The following ARPP21 variants were observed in gnomAD, a reference collection of about 807,000 sequenced individuals.
ARPP21 encodes cAMP regulated phosphoprotein 21.
A neutral mutation model predicts 113.2 loss-of-function variants in ARPP21; 69 were observed. That is an observed-to-expected ratio of 0.61 (90% CI 0.50 to 0.74). The LOEUF (loss-of-function observed/expected upper bound fraction) is 0.74. ARPP21 is among the 30% of genes least tolerant of loss of function. The probability of loss-of-function intolerance (pLI) is 0.00; values close to 1 mark genes in which losing one functional copy is unlikely to be tolerated. For synonymous variants in ARPP21, 368 were observed against 375.5 expected (o/e 0.98, Z 0.23); for missense variants, 1,070 against 1,037.4 (o/e 1.03, Z -0.43).
At chr3:35,655,849 A>G (rs1309237176) in intron 1 of ARPP21, among the ~76,000 whole-genome samples, 3 of 152,028 alleles carry the variant, frequency 2.0e-5, no homozygotes, top group Admixed American at 6.6e-5. Context: ...ATTGAAATAC[A>G]GAATTTTTGG....
intron 19 of ARPP21, among the ~76,000 whole-genome samples, chr3:35,763,529 C>T (rs990393425): frequency 6.6e-6 from 1 of 152,082 alleles, no homozygotes; most frequent in African/African-American, 2.4e-5. Context: ...CATGCAGTTA[C>T]AATATTATGG....
At chr3:35,787,196 T>TC (rs1193057734) in intron 19 of ARPP21, among the ~76,000 whole-genome samples, 2 of 152,194 alleles carry the variant, frequency 1.3e-5, no homozygotes, top group Non-Finnish European at 2.9e-5. Flanking sequence ...CTGTGTATCT[T>TC]CTTTTTTTAT....
intron 6 of ARPP21, 98 bp from the exon 7 acceptor site, chr3:35,689,209 T>G: frequency 1.4e-6 from 1 of 707,428 alleles, no homozygotes. Flanking sequence ...CACCTAAAAT[T>G]TATCTGAGCA....
intron 19 of ARPP21, among the ~76,000 whole-genome samples, chr3:35,764,455 T>G (rs2095882581): frequency 1.3e-5 from 2 of 152,162 alleles, no homozygotes; most frequent in Non-Finnish European, 2.9e-5. Flanking sequence ...GTATTTTCTT[T>G]TCTTCTCTTC....
intron 19 of ARPP21, among the ~76,000 whole-genome samples, chr3:35,755,241 G>A (rs2095531978): frequency 1.3e-5 from 2 of 151,812 alleles, no homozygotes; most frequent in South Asian, 4.2e-4. Context: ...GAACTACCCT[G>A]TTTTTCAGTC....
At chr3:35,715,328 C>A in intron 11 of ARPP21, 111 bp from the exon 12 acceptor site, 2 of 832,960 alleles carry the variant, frequency 2.4e-6, no homozygotes, top group Non-Finnish European at 4.0e-6. Flanking sequence ...ACCTATTTTT[C>A]TTAATTCTTT....
intron 5 of ARPP21, chr3:35,685,655 T>A (rs1204227699): frequency 1.0e-6 from 1 of 984,870 alleles, no homozygotes; most frequent in Non-Finnish European, 1.2e-6. Context: ...TTGCTACCTG[T>A]ATTACTTGAT....
intron 13 of ARPP21, among the ~76,000 whole-genome samples, chr3:35,719,725 C>T (rs1034392433): frequency 2.4e-4 from 36 of 152,106 alleles, no homozygotes; most frequent in African/African-American, 8.5e-4. Flanking sequence ...TCTCATGCAT[C>T]CTGTACTCTG....
At chr3:35,701,031 GC>G (rs2086173929) in intron 9 of ARPP21, among the ~76,000 whole-genome samples, 1 of 151,538 alleles carries the variant, frequency 6.6e-6, no homozygotes, top group African/African-American at 2.4e-5. Flanking sequence ...AATTCAAGGA[GC>G]CTAAAATTGT....
intron 9 of ARPP21, among the ~76,000 whole-genome samples, chr3:35,695,351 A>G (rs768020073): frequency 5.3e-5 from 8 of 151,618 alleles, no homozygotes; most frequent in Admixed American, 1.3e-4. Flanking sequence ...TACTGAAAAC[A>G]TATTTCCAGC....
At chr3:35,740,964 T>C (rs1049673684) in intron 18 of ARPP21, among the ~76,000 whole-genome samples, 2 of 150,842 alleles carry the variant, frequency 1.3e-5, no homozygotes, top group African/African-American at 4.9e-5. Context: ...TAGCTGGGTG[T>C]GGTGGCACAT....
intron 1 of ARPP21, among the ~76,000 whole-genome samples, chr3:35,662,743 A>G (rs1340485503): frequency 6.6e-6 from 1 of 151,736 alleles, no homozygotes; most frequent in African/African-American, 2.4e-5. Flanking sequence ...CAGCAGAGAC[A>G]GTTCAACAAG....
intron 19 of ARPP21, among the ~76,000 whole-genome samples, chr3:35,783,507 G>A (rs2096569031): frequency 6.6e-6 from 1 of 151,676 alleles, no homozygotes; most frequent in African/African-American, 2.4e-5. Context: ...CTCTCTCTCT[G>A]ATGTGTCTCT....
intron 19 of ARPP21, among the ~76,000 whole-genome samples, chr3:35,759,338 T>C (rs1281062026): frequency 6.6e-6 from 1 of 152,080 alleles, no homozygotes; most frequent in Non-Finnish European, 1.5e-5. Flanking sequence ...CCCAATACAG[T>C]TTGTCCCTCT....
chr3:35,689,033 A>G (rs1229308486), intron 6 of ARPP21, among the ~76,000 whole-genome samples: 1 of 151,078 alleles, frequency 6.6e-6, no homozygotes, highest in Non-Finnish European at 1.5e-5. Context: ...ATTTGACTCC[A>G]CCTCTCCCCC....
At chr3:35,753,909 T>C (rs774707773) in intron 19 of ARPP21, among the ~76,000 whole-genome samples, 3 of 151,692 alleles carry the variant, frequency 2.0e-5, no homozygotes, top group Non-Finnish European at 4.4e-5. Context: ...GGGTTGACAG[T>C]GAATTCAATA....
At chr3:35,790,959 C>T (rs1452476779) in intron 19 of ARPP21, among the ~76,000 whole-genome samples, 3 of 152,146 alleles carry the variant, frequency 2.0e-5, no homozygotes, top group African/African-American at 4.8e-5. Context: ...AGGCATAGGG[C>T]AGACCTCTCA....
chr3:35,690,463 G>T lies in ARPP21; in HGVS notation c.545+323G>T, dbSNP rs556912800. ...AATGGGCTCCAGCTGGCTGCAGTCA[G>T]TTATGCCTGGAAATAATTGTGCTGC... On this transcript the variant is annotated intron_variant, in intron 8 of 20. Coordinates refer to ENST00000684406, the MANE Select transcript of ARPP21 (RefSeq NM_001385562.1). Among the ~76,000 whole-genome samples the T allele has an allele frequency of 2.0e-5, 3 of 151,590 alleles. No homozygotes were observed. The East Asian group carries it at 5.9e-4, about 30-fold the overall frequency.
At chr3:35,717,381 A>G in intron 13 of ARPP21, 24 bp downstream of exon 13, 1 of 1,484,560 alleles carries the variant, frequency 6.7e-7, no homozygotes, top group Non-Finnish European at 9.4e-7. Flanking sequence ...ACTTTCTTAA[A>G]CTGTGTTTTT....
Sources: gnomAD v4.1 joint callset for allele counts (sites outside exome capture counted in the v4.1 genomes callset) on GRCh38, gnomAD v4.1.1 for gene constraint, MANE v1.5 for transcripts, NCBI Gene and HGNC (gene_info 2026-07-23, HGNC 2026-07-21) for gene names.